Variants in SEPTIN6 observed in about 807,000 individuals in gnomAD.
SEPTIN6 encodes the protein septin-6.
In SEPTIN6, 8 loss-of-function variants were observed where a neutral mutation model predicts 33.6. The ratio of observed to expected loss-of-function variants is 0.24; its 90% CI spans 0.14 to 0.43. The LOEUF is 0.43. SEPTIN6 is among the 20% of genes least tolerant of loss of function. The pLI, the probability that SEPTIN6 is intolerant of heterozygous loss-of-function variation, is 1.00. For missense variants in SEPTIN6, 250 were observed against 340.8 expected, an observed-to-expected ratio of 0.73 and a Z score of 2.10; for synonymous variants, 131 against 140.0, an observed-to-expected ratio of 0.94 and a Z score of 0.45.
chrX:119,665,795 G>A (rs1279721879), intron 2 of SEPTIN6, among the ~76,000 whole-genome samples: 2 of 111,275 alleles, frequency 1.8e-5, no homozygotes, highest in African/African-American at 3.3e-5. Context: ...AGAGTCAGTA[G>A]AGAGGGCCAG....
chrX:119,662,850 C>T (rs891377291), intron 3 of SEPTIN6, among the ~76,000 whole-genome samples: 12 of 112,480 alleles, frequency 1.1e-4, no homozygotes, highest in Non-Finnish European at 2.3e-4. Flanking sequence ...CTAGAACATA[C>T]CAGAATCCTA....
At chrX:119,625,472 A>C (rs2053843983) in intron 9 of SEPTIN6, 93 bp from the exon 10 acceptor site, 1 of 851,329 alleles carries the variant, frequency 1.2e-6, no homozygotes, top group Non-Finnish European at 1.8e-6. Flanking sequence ...TTAGAGGTCA[A>C]AGGTGATTAG....
At chrX:119,657,969 C>CA (rs766913963) in intron 3 of SEPTIN6, among the ~76,000 whole-genome samples, 2,460 of 110,082 alleles carry the variant, frequency 0.022, 40 homozygotes, top group Non-Finnish European at 0.032. Context: ...ACTAAAAATA[C>CA]AAAAAAAATT....
At chrX:119,662,344 T>A (rs2054562843) in intron 3 of SEPTIN6, among the ~76,000 whole-genome samples, 1 of 111,811 alleles carries the variant, frequency 8.9e-6, no homozygotes, top group Non-Finnish European at 1.9e-5. Context: ...AAACTTGACA[T>A]GTCCAAAACA....
intron 7 of SEPTIN6, among the ~76,000 whole-genome samples, chrX:119,636,743 G>A (rs2054067292): frequency 9.0e-6 from 1 of 111,714 alleles, no homozygotes; most frequent in African/African-American, 3.3e-5. Flanking sequence ...GCATGTGTGT[G>A]TGGTGATCAG....
At chrX:119,634,520 G>A (rs1473962275) in intron 7 of SEPTIN6, among the ~76,000 whole-genome samples, 3 of 111,503 alleles carry the variant, frequency 2.7e-5, no homozygotes, top group Non-Finnish European at 3.8e-5. Flanking sequence ...CCATGGCAGT[G>A]GTGGAGTAGA....
At chrX:119,685,585 C>T (rs773297570) in intron 1 of SEPTIN6, among the ~76,000 whole-genome samples, 3 of 111,906 alleles carry the variant, frequency 2.7e-5, no homozygotes, top group East Asian at 2.8e-4. Context: ...ACTTGGCTCA[C>T]GTCACAGACT....
intron 10 of SEPTIN6, among the ~76,000 whole-genome samples, chrX:119,623,069 T>A (rs775647175): frequency 8.9e-6 from 1 of 112,082 alleles, no homozygotes; most frequent in Non-Finnish European, 1.9e-5. Context: ...CCAAGCAGGA[T>A]GTTTTGCCAG....
chrX:119,674,141 G>C (rs769974226), intron 2 of SEPTIN6, among the ~76,000 whole-genome samples: 2 of 109,276 alleles, frequency 1.8e-5, no homozygotes, highest in African/African-American at 6.7e-5. Context: ...CTATGATCAT[G>C]TTTGCAAATT....
At chrX:119,692,603 G>A (rs376233774) in intron 1 of SEPTIN6, among the ~76,000 whole-genome samples, 3 of 111,973 alleles carry the variant, frequency 2.7e-5, no homozygotes, top group Non-Finnish European at 3.8e-5. Flanking sequence ...CGCCCCCCTC[G>A]CCACTCACCG....
intron 6 of SEPTIN6, among the ~76,000 whole-genome samples, chrX:119,638,585 C>T (rs1313062582): frequency 9.0e-6 from 1 of 111,690 alleles, no homozygotes; most frequent in East Asian, 2.8e-4. Flanking sequence ...ATAGTTGAAG[C>T]AGACTACCTT....
intron 3 of SEPTIN6, among the ~76,000 whole-genome samples, chrX:119,655,613 C>G: frequency 9.0e-6 from 1 of 111,487 alleles, no homozygotes; most frequent in Non-Finnish European, 1.9e-5. Context: ...CAGCTTTCTT[C>G]TAGCTCTTGA....
At chrX:119,674,555 G>C (rs1238802963) in intron 2 of SEPTIN6, among the ~76,000 whole-genome samples, 1 of 111,698 alleles carries the variant, frequency 9.0e-6, no homozygotes, top group Non-Finnish European at 1.9e-5. Context: ...GTGCTTTCAT[G>C]TGCTCAAGAG....
intron 1 of SEPTIN6, among the ~76,000 whole-genome samples, chrX:119,678,539 A>G (rs1479992725): frequency 9.0e-6 from 1 of 110,957 alleles, no homozygotes; most frequent in Non-Finnish European, 1.9e-5. Context: ...AAATAAATAA[A>G]GACAGCTGAG....
intron 10 of SEPTIN6, among the ~76,000 whole-genome samples, chrX:119,621,092 C>T (rs2053753105): frequency 9.2e-6 from 1 of 109,183 alleles, no homozygotes; most frequent in Admixed American, 9.9e-5. Context: ...ACTGCATTTC[C>T]TGTCCCATTG....
intron 1 of SEPTIN6, among the ~76,000 whole-genome samples, chrX:119,676,460 G>A (rs1200934380): frequency 4.9e-5 from 4 of 80,837 alleles, no homozygotes; most frequent in Non-Finnish European, 8.6e-5. Flanking sequence ...GCGAAACTCT[G>A]TCTCAAAAAA....
chrX:119,663,433 G>A lies in SEPTIN6; in HGVS notation c.341+49C>T, dbSNP rs200441610. 3.8e-5 allele frequency: 40 copies of A among 1,042,076 alleles called. No individual in the cohort carries two copies. The Admixed American group carries it at 6.3e-4, about 16-fold the overall frequency. The allele number at this position is 1,042,076 out of a possible 1,213,427, so 85.9% of individuals were successfully genotyped here. On this transcript the variant is annotated intron_variant, in intron 3 of 10. Coordinates refer to ENST00000394610, the MANE Select transcript of SEPTIN6 (RefSeq NM_145799.4). The stretch of plus-strand genomic sequence containing the variant: ...ATCTCTGTGGTGAGCTCCTCTCTGC[G>A]GCCCTCTACCAACCTCCCCACCCTA...
At chrX:119,692,009 A>G (rs1053542738) in intron 1 of SEPTIN6, among the ~76,000 whole-genome samples, 1 of 111,395 alleles carries the variant, frequency 9.0e-6, no homozygotes, top group African/African-American at 3.3e-5. Flanking sequence ...CTTTGCAACC[A>G]AACTTCTGGT....
intron 9 of SEPTIN6, 124 bp downstream of exon 9, chrX:119,629,194 A>C: frequency 1.6e-6 from 1 of 636,571 alleles, no homozygotes; most frequent in Admixed American, 3.1e-5. Flanking sequence ...TACCTCAACC[A>C]GTCTGACAGC....
Sources: gnomAD v4.1 joint callset for allele counts (sites outside exome capture counted in the v4.1 genomes callset) on GRCh38, gnomAD v4.1.1 for gene constraint, MANE v1.5 for transcripts, NCBI Gene and HGNC (gene_info 2026-07-23, HGNC 2026-07-21) for gene names.